The following LILRA5 variants were observed in gnomAD, a reference collection of about 807,000 sequenced individuals.
The protein encoded by LILRA5 is leukocyte immunoglobulin like receptor A5.
In LILRA5, 31 loss-of-function variants were observed where a neutral mutation model predicts 36.3. The ratio of observed to expected loss-of-function variants is 0.85; its 90% CI spans 0.64 to 1.15. The LOEUF (loss-of-function observed/expected upper bound fraction) is 1.15, where lower values mean the gene tolerates loss of function less well. Among genes scored for constraint, LILRA5 ranks in the 50% most tolerant of loss-of-function variants. The pLI, the probability that LILRA5 is intolerant of heterozygous loss-of-function variation, is 0.00. For synonymous variants in LILRA5, 144 were observed against 144.8 expected (o/e 0.99, Z 0.04); for missense variants, 348 against 377.4 (o/e 0.92, Z 0.64).
Position 54,313,119 on chromosome 19 carries a change from G to A in LILRA5, c.-100C>T, listed in dbSNP as rs1407499810. The A allele has an allele frequency of 1.5e-6, 2 of 1,371,114 alleles. No individual in the cohort carries two copies. The highest frequency in any genetic ancestry group is 2.3e-5 in the East Asian group (1 of 43,700). 84.9% of individuals were successfully genotyped at this position (1,371,114 alleles called of 1,614,324 possible). ...AGAGACACATCTGACACCTGGCTGT[G>A]TAGCCCAGGCTGAGCTGCATGTGGC... On this transcript the variant is annotated 5_prime_UTR_variant, in exon 1 of 7. Coordinates refer to ENST00000432233, the MANE Select transcript of LILRA5 (RefSeq NM_021250.4).
At chr19:54,307,999 G>A (rs746077142) in intron 5 of LILRA5, 18 of 519,596 alleles carry the variant, frequency 3.5e-5, no homozygotes, top group Middle Eastern at 1.0e-3. Flanking sequence ...TTCCTGCACC[G>A]TGAAAGCTCA....
intron 4 of LILRA5, 68 bp downstream of exon 4, chr19:54,311,796 C>G: frequency 6.2e-7 from 1 of 1,612,092 alleles, no homozygotes; most frequent in Non-Finnish European, 8.5e-7. Flanking sequence ...GAAAGGGAGA[C>G]ACCCCTGAGA....
intron 5 of LILRA5, chr19:54,309,163 T>C (rs1236807721): frequency 6.6e-6 from 1 of 152,084 alleles, no homozygotes; most frequent in Non-Finnish European, 1.5e-5. Flanking sequence ...TATATCTTAC[T>C]TAGAAATATA....
chr19:54,311,591 G>C lies in LILRA5; in HGVS notation c.535C>G (p.His179Asp). 1 of 1,614,140 alleles carries C rather than the reference G, an allele frequency of 6.2e-7. No homozygotes were observed. ...DRFILTEEGD[H>D]KLSWTLDSQL... Reference sequence around the variant, plus strand: ...GAGTCCAAGGTCCAGGAGAGCTTGTGGTCTCCTTCCTCAGTCAGAATGAAC... The same window carrying C: ...GAGTCCAAGGTCCAGGAGAGCTTGTCGTCTCCTTCCTCAGTCAGAATGAAC... Residue 179 changes from histidine to aspartate, a missense_variant, in exon 5 of 7, where the codon CAC becomes GAC. Physicochemically the swap from His to Asp is moderately conservative, Grantham distance 81. Transcript: ENST00000432233.
intron 1 of LILRA5, 31 bp from the exon 2 acceptor site, chr19:54,312,652 G>A (rs939707839): frequency 4.4e-6 from 7 of 1,602,008 alleles, no homozygotes; most frequent in Non-Finnish European, 5.1e-6. Context: ...ACAGGGTGTG[G>A]CAGCTCGGAG....
At chr19:54,307,880 C>A (rs994273199) in intron 5 of LILRA5, 132 bp from the exon 6 acceptor site, 7 of 698,464 alleles carry the variant, frequency 1.0e-5, no homozygotes, top group Admixed American at 4.4e-5. Context: ...CCTCCATAAA[C>A]CCTCCCTCTG....
intron 5 of LILRA5, chr19:54,310,491 C>T (rs946486133): frequency 6.4e-6 from 1 of 156,322 alleles, no homozygotes; most frequent in African/African-American, 2.4e-5. Flanking sequence ...GACCCCAGCA[C>T]TGATGGATAT....
Position 54,307,338 on chromosome 19 carries a change from T to C in LILRA5, c.*75A>G. On this transcript the variant is annotated 3_prime_UTR_variant, in exon 7 of 7. Coordinates refer to ENST00000432233, the MANE Select transcript of LILRA5 (RefSeq NM_021250.4). ...CAGATGGCATAGGCCTCAGATGGTC[T>C]TCCCGAACCTCCTAGGACCATCAGA... 2.7e-6 allele frequency: 4 copies of C among 1,470,214 alleles called. No homozygotes were observed. The highest frequency in any genetic ancestry group is 3.6e-6 in the Non-Finnish European group (4 of 1,100,662). 91.1% of individuals were successfully genotyped at this position (1,470,214 alleles called of 1,614,324 possible). A position where few individuals can be genotyped will look rare whatever the true frequency, so the allele number is the denominator to read the frequency against.
intron 3 of LILRA5, 73 bp from the exon 4 acceptor site, chr19:54,312,221 T>C: frequency 6.2e-7 from 1 of 1,611,406 alleles, no homozygotes; most frequent in Non-Finnish European, 8.5e-7. Flanking sequence ...CCCAGGACCC[T>C]CCAGACGTCC....
chr19:54,308,108 G>A (rs992202230), intron 5 of LILRA5: 1 of 203,120 alleles, frequency 4.9e-6, no homozygotes, highest in Non-Finnish European at 1.0e-5. Context: ...CCCCAGAGAT[G>A]AGAGTTTCAC....
chr19:54,310,108 G>GC (rs1569141277), intron 5 of LILRA5: 2 of 192,294 alleles, frequency 1.0e-5, no homozygotes, highest in Non-Finnish European at 2.2e-5. Flanking sequence ...CAGGGACCCC[G>GC]CAGGTGTGGG....
In LILRA5 at chr19:54,307,242, C is replaced by CAA. The variant is rs10573769; in HGVS notation, c.*169_*170dup. On this transcript the variant is annotated 3_prime_UTR_variant, in exon 7 of 7. Transcript: ENST00000432233. Reference sequence around the variant, plus strand: ...CTGGTGACAGAGCAAGACTCCATCTCAAAAAAAAAAAAAAAAAAAAAAAAG... The same window carrying CAA: ...CTGGTGACAGAGCAAGACTCCATCTCAAAAAAAAAAAAAAAAAAAAAAAAAAG... 17,691 of 114,888 alleles carry CAA rather than the reference C, an allele frequency of 0.15. 2,028 individuals are homozygous for CAA. The highest frequency in any genetic ancestry group is 0.2 in the African/African-American group (3,123 of 15,608). The allele number at this position is 114,888 out of a possible 1,614,324, so 7.1% of individuals were successfully genotyped here. A position where few individuals can be genotyped will look rare whatever the true frequency, so the allele number is the denominator to read the frequency against.
In LILRA5 at chr19:54,307,499, C is replaced by T. The variant is rs772186174; in HGVS notation, c.814G>A (p.Ala272Thr). The change falls in exon 7 of 7, where the codon GCC (alanine) becomes ACC (threonine). Residue 272 changes from alanine to threonine, a missense_variant. Ala to Thr is a moderately conservative substitution (Grantham distance 58). Coordinates refer to ENST00000432233, the MANE Select transcript of LILRA5 (RefSeq NM_021250.4). ...AVENLIRMGMAGLILVVLGIL... is the reference protein window; with the variant it reads ...AVENLIRMGMTGLILVVLGIL... ...CCAAGGACCACCAGGATCAAGCCGG[C>T]CATGCCCATGCGGATGAGATTCTCT... The T allele has an allele frequency of 3.7e-6, 6 of 1,613,982 alleles. No individual in the cohort carries two copies. Among genetic ancestry groups the T allele is most frequent in the Non-Finnish European group, 3.4e-6 (4 of 1,179,980 alleles).
intron 5 of LILRA5, chr19:54,308,354 AATATATAT>A (rs60172604): frequency 0.029 from 517 of 18,086 alleles, 3 homozygotes; most frequent in South Asian, 0.038. Context: ...TGTATATATA[AATATATAT>A]ATATATATAT....
At chr19:54,312,466 A>T in intron 2 of LILRA5, 71 bp downstream of exon 2, 1 of 1,613,850 alleles carries the variant, frequency 6.2e-7, no homozygotes, top group Non-Finnish European at 8.5e-7. Context: ...TTCCTGATAG[A>T]CAAGGGCCTC....
chr19:54,311,505 G>C lies in LILRA5; in HGVS notation c.621C>G (p.Ser207Arg). Residue 207 changes from serine to arginine, a missense_variant, in exon 5 of 7, where the codon AGC becomes AGG. Physicochemically the swap from Ser to Arg is moderately radical, Grantham distance 110. Coordinates refer to ENST00000432233, the MANE Select transcript of LILRA5 (RefSeq NM_021250.4). ...CATAGCATCTGAGCATCCACCTGTGGCTGGGGGTCACAGGGCCCACAGGGA... is the reference window on the plus strand; with the variant it reads ...CATAGCATCTGAGCATCCACCTGTGCCTGGGGGTCACAGGGCCCACAGGGA... ...ALFPVGPVTP[S>R]HRWMLRCYGS... 6.2e-7 allele frequency: 1 copy of C among 1,614,172 alleles called. No homozygotes were observed. Among genetic ancestry groups the C allele is most frequent in the Non-Finnish European group, 8.5e-7 (1 of 1,180,008 alleles).
Position 54,312,134 on chromosome 19 carries a change from C to T in LILRA5, c.139G>A (p.Ala47Thr), listed in dbSNP as rs904549135. The T allele has an allele frequency of 1.9e-6, 3 of 1,613,788 alleles. No homozygotes were observed. The African/African-American group carries it at 4.0e-5, about 22-fold the overall frequency. ...GAGCCTGGCTCAGCCCAGAGGGTGG[C>T]TTTGGAGAGGTTCCCTGGAAGGAAA... Reference protein sequence around the residue: ...THVQAGNLSKATLWAEPGSVI... With the variant: ...THVQAGNLSKTTLWAEPGSVI... Residue 47 changes from alanine (A) to threonine (T), a missense_variant, in exon 4 of 7, where the codon GCC becomes ACC. Transcript: ENST00000432233.
Position 54,312,637 on chromosome 19 carries a change from G to C in LILRA5, c.4-16C>G. 1 of 1,613,072 alleles carries C rather than the reference G, an allele frequency of 6.2e-7. No homozygotes were observed. Among genetic ancestry groups the C allele is most frequent in the Non-Finnish European group, 8.5e-7 (1 of 1,179,022 alleles). ...ACCATGGTGCCTGGCAGGACAGAGA[G>C]ACACACAGGGTGTGGCAGCTCGGAG... On this transcript the variant is annotated splice_polypyrimidine_tract_variant and intron_variant, in intron 1 of 6. Transcript: ENST00000432233.
Position 54,311,680 on chromosome 19 carries a change from C to A in LILRA5, c.446G>T (p.Ser149Ile). 1 of 1,613,798 alleles carries A rather than the reference C, an allele frequency of 6.2e-7. No homozygotes were observed. Among genetic ancestry groups the A allele is most frequent in the South Asian group, 1.1e-5 (1 of 91,080 alleles). ...YNKPTLSALP[S>I]PVVTSGENVT... ...GTTCTCTCCTGAGGTCACCACAGGA[C>A]TGGGCAGGGCTGAGAGGGTGGGTTT... Residue 149 changes from serine to isoleucine, a missense_variant, in exon 5 of 7, where the codon AGT (serine) becomes ATT (isoleucine). Physicochemically the swap from Ser to Ile is moderately radical, Grantham distance 142. Transcript: ENST00000432233.
Sources: allele counts gnomAD v4.1 joint callset, GRCh38; gene constraint gnomAD v4.1.1; transcripts MANE v1.5; gene names NCBI Gene and HGNC (gene_info 2026-07-23, HGNC 2026-07-21).